The following CYP4F12 variants were observed in gnomAD, a reference collection of about 807,000 sequenced individuals.
CYP4F12 encodes cytochrome P450 family 4 subfamily F member 12.
Under a neutral mutation model 56.5 loss-of-function variants are expected in CYP4F12, and 60 were observed. The ratio of observed to expected loss-of-function variants is 1.06; its 90% CI spans 0.86 to 1.32. The LOEUF (loss-of-function observed/expected upper bound fraction) is 1.32, where lower values mean the gene tolerates loss of function less well. Ranked by LOEUF, CYP4F12 falls within the 40% of genes most tolerant of loss-of-function variation. The probability of loss-of-function intolerance (pLI) is 0.00; values close to 1 mark genes in which losing one functional copy is unlikely to be tolerated. For missense variants in CYP4F12, 711 were observed against 683.5 expected (o/e 1.04, Z -0.45); for synonymous variants, 263 against 264.9 (o/e 0.99, Z 0.07).
rs201699743 is a variant in CYP4F12 at position 15,696,025 on chromosome 19, G to C, written c.1205G>C (p.Cys402Ser). The C allele has an allele frequency of 6.6e-5, 106 of 1,613,992 alleles. No homozygotes were observed. The highest frequency in any genetic ancestry group is 6.0e-4 in the East Asian group (27 of 44,882). Reference sequence around the variant, plus strand: ...CCAGCTCCCTTCATCTCCCGATGCTGCACCCAGGACATTGTTCTCCCAGAT... The same window carrying C: ...CCAGCTCCCTTCATCTCCCGATGCTCCACCCAGGACATTGTTCTCCCAGAT... Reference protein sequence around the residue: ...HPPAPFISRCCTQDIVLPDGR... With the variant: ...HPPAPFISRCSTQDIVLPDGR... The change falls in exon 10 of 13, where the codon TGC (cysteine) becomes TCC (serine). Residue 402 changes from cysteine to serine, a missense_variant. Cys to Ser is a moderately radical substitution (Grantham distance 112). Coordinates refer to ENST00000550308, the MANE Select transcript of CYP4F12 (RefSeq NM_023944.4).
At position 15,673,143 on chromosome 19, in the gene CYP4F12, G is replaced by T. The variant is rs1379649048; in HGVS notation, c.-2+8G>T. On this transcript the variant is annotated splice_region_variant and intron_variant, in intron 1 of 12. Transcript: ENST00000550308. ...AGCTGCTCCCGACAGAAGGTACCAG[G>T]CTGGGGGTGGCAGGGCTGGAAGGTC... 1.8e-5 allele frequency: 8 copies of T among 456,636 alleles called. No individual in the cohort carries two copies. Among genetic ancestry groups the T allele is most frequent in the Non-Finnish European group, 3.5e-5 (8 of 231,428 alleles). 28.3% of individuals were successfully genotyped at this position (456,636 alleles called of 1,614,324 possible).
intron 2 of CYP4F12, 64 bp from the exon 3 acceptor site, chr19:15,678,197 C>T: frequency 1.9e-6 from 3 of 1,600,806 alleles, no homozygotes; most frequent in Admixed American, 1.7e-5. Context: ...CATCCCTTAG[C>T]CCAGTCTAGT....
intron 5 of CYP4F12, chr19:15,680,811 C>A (rs1252315795): frequency 2.4e-6 from 1 of 410,658 alleles, no homozygotes; most frequent in South Asian, 2.1e-5. Flanking sequence ...TGATTATAAA[C>A]CACTTCAGAA....
chr19:15,679,696 G>A (rs1379418333), intron 3 of CYP4F12, among the ~76,000 whole-genome samples: 1 of 152,120 alleles, frequency 6.6e-6, no homozygotes, highest in African/African-American at 2.4e-5. Context: ...TGGGAGCTAG[G>A]GTCTCTTTGG....
intron 2 of CYP4F12, among the ~76,000 whole-genome samples, chr19:15,675,512 TA>T (rs1184941109): frequency 6.6e-6 from 1 of 152,212 alleles, no homozygotes; most frequent in Non-Finnish European, 1.5e-5. Context: ...GCTCTAGGGA[TA>T]TGTCCTGAGG....
chr19:15,685,155 T>G lies in CYP4F12; in HGVS notation c.1073T>G (p.Val358Gly). The change falls in exon 9 of 13, where the codon GTG becomes GGG. Residue 358 changes from valine (V) to glycine (G), a missense_variant. By Grantham distance (109) the Val-to-Gly change is moderately radical. Coordinates refer to ENST00000550308, the MANE Select transcript of CYP4F12 (RefSeq NM_023944.4). Reference protein sequence around the residue: ...PEYQERCRQEVQELLKDRDPK... With the variant: ...PEYQERCRQEGQELLKDRDPK... Reference sequence around the variant, plus strand: ...TACCAGGAGCGCTGCCGACAGGAGGTGCAAGAGCTTCTGAAGGACCGCGAT... The same window carrying G: ...TACCAGGAGCGCTGCCGACAGGAGGGGCAAGAGCTTCTGAAGGACCGCGAT... 6.2e-7 allele frequency: 1 copy of G among 1,613,804 alleles called. No individual in the cohort carries two copies. The highest frequency in any genetic ancestry group is 1.1e-5 in the South Asian group (1 of 91,036).
At chr19:15,677,816 G>A (rs111219969) in intron 2 of CYP4F12, among the ~76,000 whole-genome samples, 12 of 654 alleles carry the variant, frequency 0.018, 1 homozygote, top group South Asian at 0.059. Context: ...TCTTCTGCTC[G>A]CTCACTCACT....
intron 6 of CYP4F12, among the ~76,000 whole-genome samples, chr19:15,683,000 A>G (rs115881213): frequency 0.017 from 2,529 of 151,964 alleles, 2 homozygotes; most frequent in African/African-American, 0.059. Context: ...GCCTCAGAAA[A>G]TGTTGGGATT....
intron 7 of CYP4F12, 165 bp from the exon 8 acceptor site, chr19:15,684,651 T>G: frequency 1.6e-6 from 1 of 632,660 alleles, no homozygotes. Flanking sequence ...TTGGTGATGG[T>G]GAACAAGAGA....
chr19:15,674,920 T>A (rs2006844796), intron 2 of CYP4F12, among the ~76,000 whole-genome samples: 1 of 152,176 alleles, frequency 6.6e-6, no homozygotes, highest in South Asian at 2.1e-4. Flanking sequence ...CTGCTGGACT[T>A]GAAGCCTTCT....
rs1249878166 is a variant in CYP4F12 at position 15,677,405 on chromosome 19, CA to C, written c.199-855del. Among the ~76,000 whole-genome samples the C allele has an allele frequency of 0.023, 434 of 18,774 alleles. 212 individuals carry two copies. The East Asian group carries it at 0.71, about 31-fold the overall frequency. The allele number at this position is 18,774 out of a possible 152,430, so 12.3% of individuals were successfully genotyped here. A position where few individuals can be genotyped will look rare whatever the true frequency, so the allele number is the denominator to read the frequency against. On this transcript the variant is annotated intron_variant, in intron 2 of 12. Transcript: ENST00000550308. ...CTGCTCACTCTCTCATTCCCCTCCT[CA>C]CTCACTCATTTCTCTCCTCACTCAT...
At chr19:15,696,363 A>G in intron 11 of CYP4F12, 67 bp from the exon 12 acceptor site, 12 of 1,611,916 alleles carry the variant, frequency 7.4e-6, no homozygotes, top group Non-Finnish European at 1.0e-5. Flanking sequence ...AAACACACAC[A>G]AGTGTCTCTC....
intron 6 of CYP4F12, among the ~76,000 whole-genome samples, chr19:15,683,246 A>G (rs1177991000): frequency 6.6e-6 from 1 of 152,176 alleles, no homozygotes; most frequent in South Asian, 2.1e-4. Context: ...GGAGAGAAGC[A>G]TGGTGTCCAA....
chr19:15,677,699 C>CTTGTCATGT lies in CYP4F12; in HGVS notation c.199-562_199-561insTTGTCATGT, dbSNP rs1439900259. On this transcript the variant is annotated intron_variant, in intron 2 of 12. Transcript: ENST00000550308. ...TCACTCACTCATTCCTCTCCTCCCT[C>CTTGTCATGT]ACTTATTCCTCTACCCACACACTCA... is the stretch of plus-strand genomic sequence containing the variant. Among the ~76,000 whole-genome samples the CTTGTCATGT allele has an allele frequency of 6.9e-3, 18 of 2,614 alleles. 1 individual carries two copies. The highest frequency in any genetic ancestry group is 0.023 in the African/African-American group (18 of 790). The allele number at this position is 2,614 out of a possible 152,430, so 1.7% of individuals were successfully genotyped here.
chr19:15,693,462 C>T (rs550311245), intron 9 of CYP4F12, among the ~76,000 whole-genome samples: 10 of 152,266 alleles, frequency 6.6e-5, no homozygotes, highest in Admixed American at 5.9e-4. Flanking sequence ...GCCTGACTCT[C>T]GTGTTTTTTT....
At chr19:15,685,794 T>A (rs2007573008) in intron 9 of CYP4F12, among the ~76,000 whole-genome samples, 1 of 152,254 alleles carries the variant, frequency 6.6e-6, no homozygotes. Context: ...ATCATATTTT[T>A]TTCAAACATC....
At chr19:15,685,266 G>A in intron 9 of CYP4F12, 69 bp downstream of exon 9, 1 of 1,566,160 alleles carries the variant, frequency 6.4e-7, no homozygotes, top group African/African-American at 1.4e-5. Context: ...GAGGAGGGGT[G>A]GAGGAGTTGT....
At chr19:15,673,508 T>G (rs748396744) in intron 1 of CYP4F12, 21 bp from the exon 2 acceptor site, 1 of 1,610,704 alleles carries the variant, frequency 6.2e-7, no homozygotes, top group Middle Eastern at 1.7e-4. Context: ...GTCCTCACCC[T>G]GCATCCCCTC....
chr19:15,692,054 G>A (rs1162792958), intron 9 of CYP4F12, among the ~76,000 whole-genome samples: 1 of 151,986 alleles, frequency 6.6e-6, no homozygotes, highest in Non-Finnish European at 1.5e-5. Context: ...TGCCTCTCTG[G>A]TTCAAGCTAT....
Sources: gnomAD v4.1 joint callset for allele counts (sites outside exome capture counted in the v4.1 genomes callset) on GRCh38, gnomAD v4.1.1 for gene constraint, MANE v1.5 for transcripts, NCBI Gene and HGNC (gene_info 2026-07-23, HGNC 2026-07-21) for gene names.